Variants in LRRFIP1 observed in about 807,000 individuals in gnomAD.
LRRFIP1 encodes LRR binding FLII interacting protein 1.
A neutral mutation model predicts 104.4 loss-of-function variants in LRRFIP1; 62 were observed. The ratio of observed to expected loss-of-function variants is 0.59; its 90% CI spans 0.48 to 0.73. LRRFIP1 has a LOEUF of 0.73. LRRFIP1 is among the 30% of genes least tolerant of loss of function. LRRFIP1 has a pLI of 0.00. For synonymous variants in LRRFIP1, 300 were observed against 299.0 expected (o/e 1.00, Z -0.03); for missense variants, 796 against 824.5 (o/e 0.97, Z 0.42).
In LRRFIP1 at chr2:237,685,118, A is replaced by AC. The variant is rs1559540273; in HGVS notation, c.97-23425dup. On this transcript the variant is annotated intron_variant, in intron 1 of 23. Transcript: ENST00000308482. ...CTTGTCTCCCTACCCTCCCCCCCCC[A>AC]CACAAAAAAACCCCAAAAATCAGAA... is the stretch of plus-strand genomic sequence containing the variant. Among the ~76,000 whole-genome samples the AC allele has an allele frequency of 2.2e-3, 68 of 31,312 alleles. 2 individuals carry two copies. The highest frequency in any genetic ancestry group is 7.9e-3 in the African/African-American group (65 of 8,212). The allele number at this position is 31,312 out of a possible 152,430, so 20.5% of individuals were successfully genotyped here. A position where few individuals can be genotyped will look rare whatever the true frequency, so the allele number is the denominator to read the frequency against.
At chr2:237,693,576 A>G (rs1163321590) in intron 1 of LRRFIP1, among the ~76,000 whole-genome samples, 1 of 152,042 alleles carries the variant, frequency 6.6e-6, no homozygotes, top group Non-Finnish European at 1.5e-5. Context: ...TACCCCTTCA[A>G]CTAATTAGTT....
Position 237,708,579 on chromosome 2 carries a change from C to T in LRRFIP1, c.132C>T (p.Arg44=), listed in dbSNP as rs190435153. The T allele has an allele frequency of 9.4e-5, 150 of 1,596,866 alleles. 1 individual carries two copies. Among genetic ancestry groups the T allele is most frequent in the Admixed American group, 2.4e-4 (14 of 58,912 alleles). ...GGCTCGCTGCAAAACGGGCGGCCCG[C>T]GCGGAGGCTCGCGAGATCCGCATGA... The part of the protein sequence containing the change: ...EARLAAKRAA[R]AEAREIRMKE... Residue 44 remains arginine, a synonymous_variant, in exon 2 of 24, where the codon CGC becomes CGT. Transcript: ENST00000308482.
At chr2:237,721,113 T>G (rs2150181247) in intron 6 of LRRFIP1, 1 of 345,876 alleles carries the variant, frequency 2.9e-6, no homozygotes, top group Non-Finnish European at 5.5e-6. Flanking sequence ...TTAGCACAGT[T>G]GTCTCAGCAC....
rs1158982227 is a variant in LRRFIP1 at position 237,754,446 on chromosome 2, C to T, written c.1038+967C>T. Among the ~76,000 whole-genome samples, 3 of 152,176 alleles carry T rather than the reference C, an allele frequency of 2.0e-5. No homozygotes were observed. The East Asian group carries it at 5.8e-4, about 29-fold the overall frequency. On this transcript the variant is annotated intron_variant, in intron 15 of 23. Transcript: ENST00000308482. The stretch of plus-strand genomic sequence containing the variant: ...ATAAGTAATGACAGCGGACTGATTC[C>T]ACGAAGGCTGGGCTTGGATGTTCTT...
At chr2:237,652,544 A>G (rs189036339) in intron 1 of LRRFIP1, among the ~76,000 whole-genome samples, 39 of 152,374 alleles carry the variant, frequency 2.6e-4, no homozygotes, top group African/African-American at 9.4e-4. Context: ...TCCTCAAAAA[A>G]GTGAAATAGA....
intron 16 of LRRFIP1, among the ~76,000 whole-genome samples, chr2:237,756,978 G>A (rs1045732219): frequency 6.6e-6 from 1 of 151,570 alleles, no homozygotes; most frequent in Non-Finnish European, 1.5e-5. Flanking sequence ...CGAGAGAGGG[G>A]CCATGAGCCA....
intron 17 of LRRFIP1, among the ~76,000 whole-genome samples, chr2:237,758,048 A>AG (rs1265253161): frequency 1.3e-5 from 2 of 152,142 alleles, no homozygotes; most frequent in African/African-American, 4.8e-5. Context: ...ATTGAAGGAT[A>AG]GGGGGAACAG....
intron 23 of LRRFIP1, among the ~76,000 whole-genome samples, chr2:237,777,897 A>G (rs910606472): frequency 2.6e-5 from 4 of 152,028 alleles, no homozygotes; most frequent in Non-Finnish European, 4.4e-5. Flanking sequence ...ACCTCTCTCT[A>G]TTGGATAATG....
At chr2:237,767,448 A>G (rs2060315193) in intron 19 of LRRFIP1, among the ~76,000 whole-genome samples, 1 of 152,252 alleles carries the variant, frequency 6.6e-6, no homozygotes, top group Non-Finnish European at 1.5e-5. Flanking sequence ...TAGCTCCCGT[A>G]TATAAATGTA....
chr2:237,670,491 T>C (rs1427490071), intron 1 of LRRFIP1, among the ~76,000 whole-genome samples: 1 of 152,246 alleles, frequency 6.6e-6, no homozygotes, highest in South Asian at 2.1e-4. Context: ...TCTGCTGAGC[T>C]GAATTGAAGC....
intron 1 of LRRFIP1, among the ~76,000 whole-genome samples, chr2:237,643,243 A>G (rs2084308086): frequency 6.6e-6 from 1 of 152,062 alleles, no homozygotes; most frequent in Non-Finnish European, 1.5e-5. Context: ...TTCCTCTCCA[A>G]TTGGAGGAGA....
chr2:237,739,358 C>T (rs752594416), intron 11 of LRRFIP1, 49 bp downstream of exon 11: 19 of 1,469,800 alleles, frequency 1.3e-5, no homozygotes, highest in African/African-American at 2.8e-5. Context: ...CCCTCCCTCC[C>T]CCTTCCCTTA....
intron 1 of LRRFIP1, among the ~76,000 whole-genome samples, chr2:237,699,345 TC>T (rs2093373843): frequency 6.7e-6 from 1 of 149,380 alleles, no homozygotes; most frequent in African/African-American, 2.6e-5. Context: ...GTTTTTCTTT[TC>T]TTTTTTTTTT....
intron 1 of LRRFIP1, among the ~76,000 whole-genome samples, chr2:237,634,234 A>G (rs1404081039): frequency 6.6e-6 from 1 of 152,168 alleles, no homozygotes; most frequent in Admixed American, 6.5e-5. Context: ...AATAACATAC[A>G]TATGTATTAC....
At chr2:237,697,707 A>T (rs1022375094) in intron 1 of LRRFIP1, among the ~76,000 whole-genome samples, 5 of 152,160 alleles carry the variant, frequency 3.3e-5, no homozygotes, top group African/African-American at 1.2e-4. Context: ...GGTTTGTAGG[A>T]CAGTCTTGAG....
At chr2:237,630,312 C>T (rs550153793) in intron 1 of LRRFIP1, among the ~76,000 whole-genome samples, 1 of 152,330 alleles carries the variant, frequency 6.6e-6, no homozygotes, top group African/African-American at 2.4e-5. Flanking sequence ...ACAAAATCGT[C>T]TTGGGTTCAG....
chr2:237,647,817 C>T (rs1026981176), intron 1 of LRRFIP1, among the ~76,000 whole-genome samples: 5 of 151,480 alleles, frequency 3.3e-5, no homozygotes, highest in African/African-American at 1.2e-4. Flanking sequence ...CAGGGTCACG[C>T]CCTGTCGCCC....
chr2:237,735,626 G>C lies in LRRFIP1; in HGVS notation c.555+293G>C. Reference sequence around the variant, plus strand: ...ACTAACAGGTGGTGAAACCGTCTTCGGTTAATAAAAACGGGAAAAGGACAA... The same window carrying C: ...ACTAACAGGTGGTGAAACCGTCTTCCGTTAATAAAAACGGGAAAAGGACAA... On this transcript the variant is annotated intron_variant, in intron 10 of 23. Transcript: ENST00000308482. This position sits in a 1 kb window ranked among gnomAD's most constrained non-coding sequence, Gnocchi z 4.6. 3.0e-6 allele frequency: 1 copy of C among 337,342 alleles called. No homozygotes were observed. The highest frequency in any genetic ancestry group is 5.4e-6 in the Non-Finnish European group (1 of 184,500). The allele number at this position is 337,342 out of a possible 1,614,324, so 20.9% of individuals were successfully genotyped here. A position where few individuals can be genotyped will look rare whatever the true frequency, so the allele number is the denominator to read the frequency against.
chr2:237,719,354 T>C (rs569154127), intron 4 of LRRFIP1, among the ~76,000 whole-genome samples, 169 bp from the exon 5 acceptor site: 1 of 152,370 alleles, frequency 6.6e-6, no homozygotes, highest in African/African-American at 2.4e-5. Context: ...AAAACATTTT[T>C]ACCCACTGGT....
Sources: allele counts gnomAD v4.1 joint callset (sites outside exome capture counted in the v4.1 genomes callset), GRCh38; gene constraint gnomAD v4.1.1; non-coding constraint Gnocchi (gnomAD v3.1); transcripts MANE v1.5; gene names NCBI Gene and HGNC (gene_info 2026-07-23, HGNC 2026-07-21).